The following ERC2 variants were observed in gnomAD, a reference collection of about 807,000 sequenced individuals.
ERC2 encodes ELKS/RAB6-interacting/CAST family member 2, also known as ERC protein 2.
In ERC2, 42 loss-of-function variants were observed where a neutral mutation model predicts 114.8. That is an observed-to-expected ratio of 0.37 (90% CI 0.29 to 0.47). The LOEUF (loss-of-function observed/expected upper bound fraction) is 0.47, where lower values mean the gene tolerates loss of function less well. Ranked by LOEUF, ERC2 falls within the 20% of genes least tolerant of loss-of-function variation. The pLI, the probability that ERC2 is intolerant of heterozygous loss-of-function variation, is 0.99. For synonymous variants in ERC2, 454 were observed against 425.5 expected (o/e 1.07, Z -0.82); for missense variants, 939 against 1,150.7 (o/e 0.82, Z 2.66).
chr3:56,108,699 T>C (rs2149822083), intron 6 of ERC2, among the ~76,000 whole-genome samples: 1 of 152,196 alleles, frequency 6.6e-6, no homozygotes, highest in South Asian at 2.1e-4. Flanking sequence ...TTTTTAAAAA[T>C]AAAGAAAATG....
At chr3:55,605,898 A>G (rs2058621846) in intron 17 of ERC2, among the ~76,000 whole-genome samples, 1 of 152,224 alleles carries the variant, frequency 6.6e-6, no homozygotes. Flanking sequence ...ACCCCCAAAG[A>G]TTCCAACTTA....
intron 14 of ERC2, among the ~76,000 whole-genome samples, chr3:55,740,680 T>C (rs1170977118): frequency 6.6e-6 from 1 of 152,220 alleles, no homozygotes. Context: ...CCTATTTGTA[T>C]AGATTTGGCA....
At chr3:55,859,051 G>C (rs573409337) in intron 14 of ERC2, among the ~76,000 whole-genome samples, 5 of 152,152 alleles carry the variant, frequency 3.3e-5, no homozygotes, top group Admixed American at 6.5e-5. Context: ...CTATTAGTTG[G>C]ACATGGCCAT....
At chr3:56,065,691 C>T (rs1396600576) in intron 7 of ERC2, among the ~76,000 whole-genome samples, 2 of 152,056 alleles carry the variant, frequency 1.3e-5, no homozygotes, top group Non-Finnish European at 2.9e-5. Context: ...TCTCCCTTCC[C>T]CTGTGACCCC....
chr3:55,543,492 C>T (rs575637383), intron 17 of ERC2, among the ~76,000 whole-genome samples: 6 of 152,346 alleles, frequency 3.9e-5, no homozygotes, highest in Admixed American at 1.3e-4. Context: ...CGGTCACAAA[C>T]GAGGCCTAGT....
chr3:56,428,102 T>A (rs2061641629), intron 2 of ERC2, among the ~76,000 whole-genome samples: 1 of 152,146 alleles, frequency 6.6e-6, no homozygotes, highest in Non-Finnish European at 1.5e-5. Context: ...AGTGAGTACA[T>A]CTGAGTTCCA....
chr3:55,689,539 A>G (rs143068678), intron 16 of ERC2, among the ~76,000 whole-genome samples: 2 of 152,234 alleles, frequency 1.3e-5, no homozygotes, highest in African/African-American at 4.8e-5. Context: ...TCGCTCCTTC[A>G]TCGATCAGTC....
intron 6 of ERC2, among the ~76,000 whole-genome samples, chr3:56,085,225 A>C (rs2077442828): frequency 6.6e-6 from 1 of 152,308 alleles, no homozygotes. Context: ...GGGGTACCTA[A>C]GTTGTGTTTC....
intron 13 of ERC2, among the ~76,000 whole-genome samples, chr3:55,940,631 C>T (rs76486091): frequency 6.6e-6 from 1 of 152,126 alleles, no homozygotes; most frequent in African/African-American, 2.4e-5. Context: ...TTGAGATATT[C>T]AAATGTAAGG....
In ERC2 at chr3:55,832,077, T is replaced by C. The variant is rs183491982; in HGVS notation, c.2564+56312A>G. On this transcript the variant is annotated intron_variant, in intron 14 of 17. Coordinates refer to ENST00000288221, the MANE Select transcript of ERC2 (RefSeq NM_015576.3). ...GAGGGGCGCCCGCCATTGCCCAGGCTTACTTAGGTAAACAAAGCAGCCTGG... is the reference window on the plus strand; with the variant it reads ...GAGGGGCGCCCGCCATTGCCCAGGCCTACTTAGGTAAACAAAGCAGCCTGG... 4.9e-4 allele frequency among the ~76,000 whole-genome samples: 74 copies of C among 152,344 alleles called. No homozygotes were observed. In the East Asian group the frequency reaches 0.013, roughly 27 times the overall value.
intron 17 of ERC2, among the ~76,000 whole-genome samples, chr3:55,568,688 C>G (rs933929783): frequency 6.6e-6 from 1 of 152,230 alleles, no homozygotes; most frequent in South Asian, 2.1e-4. Context: ...CCTTTGCCCC[C>G]ATCCTGTTTA....
chr3:55,622,300 T>A (rs1239366928), intron 17 of ERC2, among the ~76,000 whole-genome samples: 2 of 152,130 alleles, frequency 1.3e-5, no homozygotes, highest in Non-Finnish European at 2.9e-5. Flanking sequence ...GAGTCAGAAA[T>A]GTGGTGGAGA....
Position 55,660,988 on chromosome 3 carries a change from T to C in ERC2, c.*39+22806A>G, listed in dbSNP as rs146866705. ...ATGCAAGCTGGTCTTCTTCATATTA[T>C]AACATTGGGCCCTTACCCTGCTCCA... On this transcript the variant is annotated intron_variant, in intron 17 of 17. Coordinates refer to ENST00000288221, the MANE Select transcript of ERC2 (RefSeq NM_015576.3). 4.2e-4 allele frequency among the ~76,000 whole-genome samples: 64 copies of C among 152,316 alleles called. No homozygotes were observed. In the South Asian group the frequency reaches 0.013, roughly 30 times the overall value.
chr3:55,703,196 G>A (rs1057048318), intron 15 of ERC2, among the ~76,000 whole-genome samples: 1 of 152,068 alleles, frequency 6.6e-6, no homozygotes, highest in African/African-American at 2.4e-5. Flanking sequence ...TTCCTCCCTG[G>A]ATTCAAGTTC....
chr3:55,638,961 T>G (rs1462443642), intron 17 of ERC2, among the ~76,000 whole-genome samples: 1 of 152,226 alleles, frequency 6.6e-6, no homozygotes, highest in African/African-American at 2.4e-5. Flanking sequence ...ATAAGATGAA[T>G]GGTACCTGGT....
intron 7 of ERC2, among the ~76,000 whole-genome samples, chr3:56,070,468 T>A (rs13087541): frequency 6.4e-3 from 296 of 46,516 alleles, no homozygotes; most frequent in South Asian, 0.046. Context: ...AAACCTTTTT[T>A]AAAAAAAAAA....
intron 14 of ERC2, among the ~76,000 whole-genome samples, chr3:55,789,143 AC>A (rs2069769107): frequency 6.6e-6 from 1 of 152,228 alleles, no homozygotes; most frequent in Non-Finnish European, 1.5e-5. Flanking sequence ...GCCTGAATAT[AC>A]CAGCCTAAGG....
chr3:55,517,644 C>A (rs13078402), intron 17 of ERC2, among the ~76,000 whole-genome samples: 5,690 of 152,246 alleles, frequency 0.037, 159 homozygotes, highest in Middle Eastern at 0.078. Flanking sequence ...CTTCAATCAG[C>A]CTTGCCTGCA....
chr3:55,643,145 T>C (rs375059278), intron 17 of ERC2, among the ~76,000 whole-genome samples: 11 of 152,308 alleles, frequency 7.2e-5, no homozygotes, highest in African/African-American at 2.6e-4. Context: ...CAAAGTGTTT[T>C]GTTTAAAGGA....
Sources: gnomAD v4.1 joint callset for allele counts (sites outside exome capture counted in the v4.1 genomes callset) on GRCh38, gnomAD v4.1.1 for gene constraint, MANE v1.5 for transcripts, NCBI Gene and HGNC (gene_info 2026-07-23, HGNC 2026-07-21) for gene names.